Variants in SOX6 observed in about 807,000 individuals in gnomAD.
SOX6 encodes SRY-box transcription factor 6.
SOX6 carries 11 observed loss-of-function variants against 97.8 expected under a neutral mutation model. The observed-to-expected ratio is 0.11, with a 90% confidence interval of 0.07 to 0.19. The LOEUF is 0.19. Among genes scored for constraint, SOX6 ranks in the 10% least tolerant of loss-of-function variants. The probability of loss-of-function intolerance (pLI) is 1.00; values close to 1 mark genes in which losing one functional copy is unlikely to be tolerated. For missense variants in SOX6, 810 were observed against 1,039.5 expected, an observed-to-expected ratio of 0.78 and a Z score of 3.04; for synonymous variants, 360 against 371.4, an observed-to-expected ratio of 0.97 and a Z score of 0.35.
chr11:16,070,270 T>G (rs1848193751), intron 9 of SOX6, among the ~76,000 whole-genome samples: 1 of 152,140 alleles, frequency 6.6e-6, no homozygotes. Context: ...CATAACTCTT[T>G]GAGCTAATGG....
intron 3 of SOX6, among the ~76,000 whole-genome samples, chr11:16,301,982 T>A (rs1384790537): frequency 6.6e-6 from 1 of 152,032 alleles, no homozygotes; most frequent in Non-Finnish European, 1.5e-5. Context: ...AGCCCCACCA[T>A]TAAATCTCTC....
intron 4 of SOX6, among the ~76,000 whole-genome samples, chr11:16,611,777 G>A (rs973618762): frequency 5.9e-5 from 9 of 152,218 alleles, no homozygotes; most frequent in Non-Finnish European, 1.3e-4. Context: ...TCGACTTTAA[G>A]TGGACAGAGA....
rs955085126 is a variant in SOX6 at position 16,484,386 on chromosome 11, T to A, written n.610-7998A>T. On this transcript the variant is annotated intron_variant and non_coding_transcript_variant, in intron 4 of 5. Transcript: ENST00000524520. The stretch of plus-strand genomic sequence containing the variant: ...TAGTCCAGCTTCATGTCACTAAGCG[T>A]CTTCTGGCAGGCTCCTTTAACCAGG... 5.0e-5 allele frequency: 40 copies of A among 794,040 alleles called. No homozygotes were observed. In the African/African-American group the frequency reaches 6.4e-4, roughly 13 times the overall value. 49.2% of individuals were successfully genotyped at this position (794,040 alleles called of 1,614,324 possible). A position where few individuals can be genotyped will look rare whatever the true frequency, so the allele number is the denominator to read the frequency against.
chr11:16,597,228 T>C (rs771713872), intron 4 of SOX6, among the ~76,000 whole-genome samples: 1 of 151,992 alleles, frequency 6.6e-6, no homozygotes, highest in Non-Finnish European at 1.5e-5. Flanking sequence ...CATGCCATGG[T>C]TCTTGTACTG....
upstream of SOX6, among the ~76,000 whole-genome samples, chr11:16,357,273 C>T (rs1216328616): frequency 1.3e-5 from 2 of 152,076 alleles, no homozygotes; most frequent in Non-Finnish European, 2.9e-5. Flanking sequence ...GGCACCCTGG[C>T]CAGCTTTAGT....
chr11:16,089,627 T>C (rs1459030517), intron 9 of SOX6, among the ~76,000 whole-genome samples: 1 of 152,106 alleles, frequency 6.6e-6, no homozygotes, highest in Non-Finnish European at 1.5e-5. Context: ...AGTTTACCTG[T>C]AGCATATGAA....
At chr11:16,535,712 C>A (rs1172948701) in intron 4 of SOX6, among the ~76,000 whole-genome samples, 1 of 152,042 alleles carries the variant, frequency 6.6e-6, no homozygotes, top group African/African-American at 2.4e-5. Flanking sequence ...GTCTTAATTG[C>A]CAAATAAATT....
Position 16,714,219 on chromosome 11 carries a change from G to A in SOX6, n.429+611C>T, listed in dbSNP as rs527265349. On this transcript the variant is annotated intron_variant and non_coding_transcript_variant, in intron 3 of 5. Coordinates refer to the SOX6 transcript ENST00000524520. ...ATAGGTTTATGTAGACTATCCTAGC[G>A]AACAAGAAATTATGTACAGCATTGT... 4.0e-5 allele frequency among the ~76,000 whole-genome samples: 6 copies of A among 151,736 alleles called. No homozygotes were observed. The East Asian group carries it at 5.8e-4, about 15-fold the overall frequency.
At chr11:16,349,739 GGAAGGAAGGAA>G (rs1856883397) in intron 1 of SOX6, among the ~76,000 whole-genome samples, 3 of 131,042 alleles carry the variant, frequency 2.3e-5, no homozygotes, top group African/African-American at 8.1e-5. Context: ...AAGGAAGGAA[GGAAGGAAGGAA>G]GGAAGGAAGG....
intron 4 of SOX6, among the ~76,000 whole-genome samples, chr11:16,598,147 A>C (rs566563684): frequency 6.6e-6 from 1 of 152,020 alleles, no homozygotes; most frequent in African/African-American, 2.4e-5. Context: ...AGTGCTTTAC[A>C]TTCGTTTATC....
At chr11:16,131,923 C>G (rs1849750476) in intron 6 of SOX6, among the ~76,000 whole-genome samples, 1 of 151,944 alleles carries the variant, frequency 6.6e-6, no homozygotes, top group Non-Finnish European at 1.5e-5. Context: ...GGGATGCTAA[C>G]TGCAGAGGAC....
chr11:16,592,297 G>A (rs190684651), intron 4 of SOX6, among the ~76,000 whole-genome samples: 70 of 148,318 alleles, frequency 4.7e-4, no homozygotes, highest in African/African-American at 1.6e-3. Context: ...CTGCATTTAG[G>A]CTATCTAGAA....
intron 6 of SOX6, among the ~76,000 whole-genome samples, chr11:16,127,918 T>C (rs1278918090): frequency 6.6e-6 from 1 of 152,172 alleles, no homozygotes; most frequent in Non-Finnish European, 1.5e-5. Flanking sequence ...AGTTCAAACT[T>C]GGCTTCTATT....
At chr11:16,635,472 G>A (rs1054638070) in intron 3 of SOX6, among the ~76,000 whole-genome samples, 5 of 152,134 alleles carry the variant, frequency 3.3e-5, no homozygotes, top group Admixed American at 1.3e-4. Flanking sequence ...TAGTGTATCC[G>A]GCAGAAGAAA....
intron 13 of SOX6, among the ~76,000 whole-genome samples, chr11:16,013,227 T>A (rs1355534869): frequency 6.6e-6 from 1 of 152,032 alleles, no homozygotes; most frequent in Non-Finnish European, 1.5e-5. Flanking sequence ...CAGTCTGTTG[T>A]CAAATAAACA....
chr11:16,008,710 C>A (rs1158301097), intron 13 of SOX6, among the ~76,000 whole-genome samples: 1 of 152,050 alleles, frequency 6.6e-6, no homozygotes, highest in East Asian at 1.9e-4. Context: ...AAATATATTT[C>A]TTTAAGAGAA....
chr11:16,136,350 T>TG (rs906508805), intron 6 of SOX6, among the ~76,000 whole-genome samples: 8 of 149,484 alleles, frequency 5.4e-5, no homozygotes, highest in Non-Finnish European at 1.0e-4. Flanking sequence ...TGTGGTTTTT[T>TG]TTTTTTTTTT....
intron 3 of SOX6, among the ~76,000 whole-genome samples, chr11:16,711,347 G>A (rs549621334): frequency 6.6e-6 from 1 of 152,150 alleles, no homozygotes; most frequent in African/African-American, 2.4e-5. Context: ...TGGGCAACAT[G>A]AGGAAACCCC....
chr11:16,041,676 T>C (rs1309790296), intron 12 of SOX6, among the ~76,000 whole-genome samples: 1 of 152,154 alleles, frequency 6.6e-6, no homozygotes, highest in African/African-American at 2.4e-5. Context: ...TGGAAACATA[T>C]TAAAGAATAT....
Sources: gnomAD v4.1 joint callset for allele counts (sites outside exome capture counted in the v4.1 genomes callset) on GRCh38, gnomAD v4.1.1 for gene constraint, MANE v1.5 for transcripts, NCBI Gene and HGNC (gene_info 2026-07-23, HGNC 2026-07-21) for gene names.